The following KCNAB1 variants were observed in gnomAD, a reference collection of about 807,000 sequenced individuals.
KCNAB1 encodes potassium voltage-gated channel subfamily A regulatory beta subunit 1, also known as voltage-gated potassium channel subunit beta-1.
KCNAB1 carries 35 observed loss-of-function variants against 64.6 expected under a neutral mutation model. The ratio of observed to expected loss-of-function variants is 0.54; its 90% CI spans 0.41 to 0.72. The LOEUF (loss-of-function observed/expected upper bound fraction) is 0.72. Ranked by LOEUF, KCNAB1 falls within the 30% of genes least tolerant of loss-of-function variation. The pLI, the probability that KCNAB1 is intolerant of heterozygous loss-of-function variation, is 0.00. For missense variants in KCNAB1, 401 were observed against 512.9 expected (o/e 0.78, Z 2.11); for synonymous variants, 177 against 183.8 (o/e 0.96, Z 0.30).
At chr3:156,400,512 C>G (rs759676674) in intron 1 of KCNAB1, among the ~76,000 whole-genome samples, 20 of 152,202 alleles carry the variant, frequency 1.3e-4, no homozygotes, top group Non-Finnish European at 2.5e-4. Flanking sequence ...TTACTTTATC[C>G]TTGCTTAAAT....
intron 1 of KCNAB1, among the ~76,000 whole-genome samples, chr3:156,326,817 T>C (rs951629551): frequency 1.3e-5 from 2 of 152,272 alleles, no homozygotes; most frequent in African/African-American, 2.4e-5. Context: ...TGGTAATCAC[T>C]GTCATTGTCT....
At chr3:156,266,600 C>T (rs1380691791) in intron 1 of KCNAB1, among the ~76,000 whole-genome samples, 1 of 152,172 alleles carries the variant, frequency 6.6e-6, no homozygotes, top group East Asian at 1.9e-4. Context: ...GTTAAAAAGC[C>T]TCAGTTATTA....
chr3:156,494,567 C>G (rs1188850447), intron 8 of KCNAB1, among the ~76,000 whole-genome samples: 1 of 152,148 alleles, frequency 6.6e-6, no homozygotes, highest in Admixed American at 6.6e-5. Context: ...TGTTCTGTAT[C>G]TGTCCTGTCA....
chr3:156,375,841 T>C (rs1711610023), intron 1 of KCNAB1, among the ~76,000 whole-genome samples: 1 of 91,646 alleles, frequency 1.1e-5, no homozygotes, highest in Non-Finnish European at 2.1e-5. Context: ...TGTGTGTGTG[T>C]TGGAGTGCCA....
intron 1 of KCNAB1, among the ~76,000 whole-genome samples, chr3:156,234,699 A>G: frequency 6.6e-6 from 1 of 152,076 alleles, no homozygotes. Flanking sequence ...GATTAATGTC[A>G]TGAATTTAAA....
At chr3:156,411,007 T>C (rs1714616388) in intron 1 of KCNAB1, among the ~76,000 whole-genome samples, 2 of 152,220 alleles carry the variant, frequency 1.3e-5, no homozygotes, top group Non-Finnish European at 2.9e-5. Flanking sequence ...TTGAACTTTG[T>C]AAGAAACCTT....
intron 1 of KCNAB1, among the ~76,000 whole-genome samples, chr3:156,252,796 T>C (rs556691861): frequency 1.8e-4 from 27 of 152,342 alleles, no homozygotes; most frequent in African/African-American, 6.3e-4. Context: ...CGGGGACTTA[T>C]GGCAGAAGAG....
chr3:156,392,126 A>G (rs1250555547), intron 1 of KCNAB1, among the ~76,000 whole-genome samples: 1 of 151,164 alleles, frequency 6.6e-6, no homozygotes, highest in Non-Finnish European at 1.5e-5. Flanking sequence ...TCCTACCCCT[A>G]CTCCTGCCCC....
At chr3:156,242,250 C>G (rs923939971) in intron 1 of KCNAB1, among the ~76,000 whole-genome samples, 14 of 152,030 alleles carry the variant, frequency 9.2e-5, no homozygotes, top group African/African-American at 3.4e-4. Context: ...TACATTTTCT[C>G]CATTCTCTTG....
intron 1 of KCNAB1, among the ~76,000 whole-genome samples, chr3:156,202,344 G>A (rs1417531499): frequency 2.0e-5 from 3 of 152,174 alleles, no homozygotes; most frequent in East Asian, 1.9e-4. Flanking sequence ...GTCACTGGGG[G>A]CCAGGAACAA....
At chr3:156,321,425 T>C (rs1169571149) in intron 1 of KCNAB1, among the ~76,000 whole-genome samples, 2 of 152,176 alleles carry the variant, frequency 1.3e-5, no homozygotes, top group African/African-American at 4.8e-5. Context: ...TATTATCTCA[T>C]TCTAAAGATG....
At chr3:156,355,173 T>G (rs894696546) in intron 1 of KCNAB1, among the ~76,000 whole-genome samples, 10 of 152,232 alleles carry the variant, frequency 6.6e-5, no homozygotes, top group Admixed American at 2.6e-4. Flanking sequence ...GTTTAAGATT[T>G]TTTAAAGTAT....
chr3:156,468,030 T>C (rs1167222017), intron 7 of KCNAB1, among the ~76,000 whole-genome samples: 3 of 152,182 alleles, frequency 2.0e-5, no homozygotes, highest in African/African-American at 4.8e-5. Context: ...AGCTCTTTGA[T>C]ACTAGTGATG....
intron 1 of KCNAB1, among the ~76,000 whole-genome samples, chr3:156,393,838 C>G (rs1713231618): frequency 6.6e-6 from 1 of 152,158 alleles, no homozygotes; most frequent in Non-Finnish European, 1.5e-5. Flanking sequence ...CAAATTGGAA[C>G]CTGTCTTAAA....
At chr3:156,176,960 T>A in intron 1 of KCNAB1, 1 of 701,964 alleles carries the variant, frequency 1.4e-6, no homozygotes, top group Non-Finnish European at 2.5e-6. Flanking sequence ...CCTGCCTCCA[T>A]TTTTGTGCCA....
intron 1 of KCNAB1, among the ~76,000 whole-genome samples, chr3:156,352,280 T>C (rs969791408): frequency 6.6e-5 from 10 of 152,380 alleles, no homozygotes; most frequent in African/African-American, 2.4e-4. Flanking sequence ...TTGTAAAGAC[T>C]GCTGTTATCT....
In KCNAB1 at chr3:156,291,021, C is replaced by G. The variant is rs1362185733; in HGVS notation, c.276-130595C>G. On this transcript the variant is annotated intron_variant, in intron 1 of 13. Transcript: ENST00000490337. Reference sequence around the variant, plus strand: ...GCGTGTTCCGCGGCATAAGCACCCCCTCTCTGCCTTCCCCCAGTTCCAACT... The same window carrying G: ...GCGTGTTCCGCGGCATAAGCACCCCGTCTCTGCCTTCCCCCAGTTCCAACT... 4 of 985,710 alleles carry G rather than the reference C, an allele frequency of 4.1e-6. No individual in the cohort carries two copies. In the South Asian group the frequency reaches 1.4e-4, roughly 35 times the overall value. The allele number at this position is 985,710 out of a possible 1,614,324, so 61.1% of individuals were successfully genotyped here.
intron 1 of KCNAB1, among the ~76,000 whole-genome samples, chr3:156,285,555 A>C (rs1576678230): frequency 6.6e-6 from 1 of 152,150 alleles, no homozygotes; most frequent in Admixed American, 6.5e-5. Context: ...GGTTGAGTGC[A>C]GTGGCGTGAC....
chr3:156,381,681 C>A (rs1712167166), intron 1 of KCNAB1, among the ~76,000 whole-genome samples: 1 of 152,170 alleles, frequency 6.6e-6, no homozygotes, highest in Non-Finnish European at 1.5e-5. Context: ...AGGAAAGGAT[C>A]TTGTGGAAAA....
Sources: allele counts gnomAD v4.1 joint callset (sites outside exome capture counted in the v4.1 genomes callset), GRCh38; gene constraint gnomAD v4.1.1; transcripts MANE v1.5; gene names NCBI Gene and HGNC (gene_info 2026-07-23, HGNC 2026-07-21).